NOMO1: variants seen among roughly 807,000 people sequenced by gnomAD.
The protein encoded by NOMO1 is nodal modulator 3.
NOMO1 carries 40 observed loss-of-function variants against 133.8 expected under a neutral mutation model. The ratio of observed to expected loss-of-function variants is 0.30; its 90% CI spans 0.23 to 0.39. The LOEUF is 0.39. NOMO1 is among the 10% of genes least tolerant of loss of function. The pLI, the probability that NOMO1 is intolerant of heterozygous loss-of-function variation, is 1.00. For missense variants in NOMO1, 462 were observed against 1,419.9 expected, an observed-to-expected ratio of 0.33 and a Z score of 10.84; for synonymous variants, 236 against 570.5, an observed-to-expected ratio of 0.41 and a Z score of 8.36.
chr16:14,869,680 G>A (rs1360433161), intron 16 of NOMO1, among the ~76,000 whole-genome samples: 3 of 150,644 alleles, frequency 2.0e-5, no homozygotes, highest in African/African-American at 4.9e-5. Flanking sequence ...CCAGTTTGAC[G>A]CTGTTATGAC....
chr16:14,860,082 T>G (rs1038447304), intron 11 of NOMO1, among the ~76,000 whole-genome samples: 1 of 151,620 alleles, frequency 6.6e-6, no homozygotes, highest in African/African-American at 2.4e-5. Flanking sequence ...GAGTTGTCTG[T>G]TGGTTGGCCG....
rs569008888 is a variant in NOMO1, at chr16:14,836,224, T to C, written c.166-2183T>C. Among the ~76,000 whole-genome samples, 1,285 of 152,036 alleles carry C rather than the reference T, an allele frequency of 8.5e-3. 15 individuals carry two copies. The highest frequency in any genetic ancestry group is 0.011 in the African/African-American group (467 of 41,370). On this transcript the variant is annotated intron_variant, in intron 1 of 30. Coordinates refer to ENST00000287667, the MANE Select transcript of NOMO1 (RefSeq NM_014287.4). Reference sequence around the variant, plus strand: ...TTCCAGTCCCTGCCTTAAATGCATGTATCTGAATCTCTTTGTCACCTGTAG... The same window carrying C: ...TTCCAGTCCCTGCCTTAAATGCATGCATCTGAATCTCTTTGTCACCTGTAG...
intron 4 of NOMO1, among the ~76,000 whole-genome samples, chr16:14,845,393 G>A (rs12598270): frequency 7.2e-5 from 11 of 152,034 alleles, no homozygotes; most frequent in East Asian, 3.9e-4. Context: ...TTGGAAGGAC[G>A]CACTCTCTAA....
Position 14,866,679 on chromosome 16 carries a change from C to T in NOMO1, c.1794C>T (p.His598=), listed in dbSNP as rs776165910. The T allele has an allele frequency of 1.7e-5, 27 of 1,609,994 alleles. 1 individual carries two copies. Among genetic ancestry groups the T allele is most frequent in the East Asian group, 4.5e-5 (2 of 44,572 alleles). ...ACATGCTGAGATGTTCCCTGTCTCA[C>T]GCCATCACTCTGGTATGTACGGCTT... is the stretch of plus-strand genomic sequence containing the variant. ...TGYMLRCSLS[H]AITLEFYQDG... Residue 598 remains histidine (H), a synonymous_variant, in exon 15 of 31, where the codon CAC becomes CAT. Transcript: ENST00000287667.
In NOMO1 at chr16:14,864,441, T is replaced by C. The variant is rs943008649; in HGVS notation, c.1396-144T>C. The C allele has an allele frequency of 3.4e-6, 5 of 1,459,442 alleles. No individual in the cohort carries two copies. In the African/African-American group the frequency reaches 5.8e-5, roughly 17 times the overall value. 90.4% of individuals were successfully genotyped at this position (1,459,442 alleles called of 1,614,324 possible). A position where few individuals can be genotyped will look rare whatever the true frequency, so the allele number is the denominator to read the frequency against. On this transcript the variant is annotated intron_variant, in intron 12 of 30. Transcript: ENST00000287667. ...ACACAAGTTATTCGTGGATTTGTTG[T>C]GATTGTAAAATCGGCCTGGAAACGA...
rs532869272 is a variant in NOMO1, at chr16:14,839,656, CT to C, written c.255+1161del. On this transcript the variant is annotated intron_variant, in intron 2 of 30. Coordinates refer to ENST00000287667, the MANE Select transcript of NOMO1 (RefSeq NM_014287.4). Reference sequence around the variant, plus strand: ...TTATTCTGCAGTTTCATTTTTTCCCCTGTGTTAATGCTTTCAATACCAGAGG... The same window carrying C: ...TTATTCTGCAGTTTCATTTTTTCCCCGTGTTAATGCTTTCAATACCAGAGG... 1.5e-4 allele frequency among the ~76,000 whole-genome samples: 22 copies of C among 150,884 alleles called. 1 individual carries two copies. The South Asian group carries it at 4.4e-3, about 30-fold the overall frequency.
At chr16:14,837,207 G>A (rs1963530266) in intron 1 of NOMO1, among the ~76,000 whole-genome samples, 3 of 151,638 alleles carry the variant, frequency 2.0e-5, no homozygotes, top group African/African-American at 7.3e-5. Context: ...TAGGGATGAG[G>A]TGTGGCTATG....
At chr16:14,859,932 C>T (rs1177987068) in intron 11 of NOMO1, among the ~76,000 whole-genome samples, 1 of 151,970 alleles carries the variant, frequency 6.6e-6, no homozygotes, top group East Asian at 1.9e-4. Context: ...GCAACATGCT[C>T]AGAGGCCTGC....
intron 11 of NOMO1, chr16:14,862,252 A>G: frequency 6.6e-6 from 1 of 152,170 alleles, no homozygotes; most frequent in Non-Finnish European, 1.5e-5. Flanking sequence ...GTACTATTAC[A>G]CTTTAACACA....
rs759013617 is a variant in NOMO1 at position 14,857,219 on chromosome 16, C to T, written c.966C>T (p.Pro322=). 5.1e-6 allele frequency: 8 copies of T among 1,559,864 alleles called. No individual in the cohort carries two copies. In the African/African-American group the frequency reaches 5.5e-5, roughly 11 times the overall value. ...TCTTCTTGTTCTTTGTTTTCTAGCC[C>T]GTGTTCCACGTCATGGGATTCTCCG... ...TVEHDSLKIE[P]VFHVMGFSVT... Residue 322 remains proline, a splice_region_variant and synonymous_variant, in exon 10 of 31, where the codon CCC becomes CCT. Coordinates refer to ENST00000287667, the MANE Select transcript of NOMO1 (RefSeq NM_014287.4).
intron 29 of NOMO1, among the ~76,000 whole-genome samples, chr16:14,892,936 C>T (rs1373886757): frequency 8.2e-6 from 1 of 121,588 alleles, no homozygotes; most frequent in African/African-American, 2.7e-5. Flanking sequence ...ACATTGGTTT[C>T]CTTCTTTGTT....
At position 14,864,716 on chromosome 16, in the gene NOMO1, C is replaced by G; in HGVS notation, c.1527C>G (p.Val509=). The G allele has an allele frequency of 5.0e-6, 8 of 1,613,538 alleles. No individual in the cohort carries two copies. Among genetic ancestry groups the G allele is most frequent in the Non-Finnish European group, 6.8e-6 (8 of 1,179,798 alleles). The change falls in exon 13 of 31, where the codon GTC becomes GTG. Residue 509 remains valine, a synonymous_variant. Transcript: ENST00000287667. ...TCTTGGCATCAGTTTCTGGGAAAGTCTCTTGTTTGGGTAAGATATCACTGG... is the reference window on the plus strand; with the variant it reads ...TCTTGGCATCAGTTTCTGGGAAAGTGTCTTGTTTGGGTAAGATATCACTGG... ...VQFLASVSGK[V]SCLDTCGDLL...
rs1228204827 is a variant in NOMO1 at position 14,876,439 on chromosome 16, G to A, written c.2437G>A (p.Gly813Arg). Reference protein sequence around the residue: ...LEGQIHPELEGVEIVISEKGA... With the variant: ...LEGQIHPELERVEIVISEKGA... ...AGGCCAGATCCACCCCGAGTTGGAA[G>A]GAGTCGAGATTGTCATCAGTGAAAA... The change falls in exon 21 of 31, where the codon GGA becomes AGA. Residue 813 changes from glycine (G) to arginine (R), a missense_variant. Physicochemically the swap from Gly to Arg is moderately radical, Grantham distance 125. Coordinates refer to ENST00000287667, the MANE Select transcript of NOMO1 (RefSeq NM_014287.4). The A allele has an allele frequency of 6.2e-7, 1 of 1,611,254 alleles. No individual in the cohort carries two copies. The highest frequency in any genetic ancestry group is 1.3e-5 in the African/African-American group (1 of 74,580).
chr16:14,850,091 A>T (rs1281593515), intron 6 of NOMO1, among the ~76,000 whole-genome samples: 1 of 146,896 alleles, frequency 6.8e-6, no homozygotes, highest in Non-Finnish European at 1.5e-5. Context: ...TTTTTTTGAG[A>T]TGAAGTCTTG....
At chr16:14,856,823 G>T (rs991435295) in intron 9 of NOMO1, among the ~76,000 whole-genome samples, 2 of 151,930 alleles carry the variant, frequency 1.3e-5, no homozygotes, top group Non-Finnish European at 2.9e-5. Flanking sequence ...GGAGGAGCGG[G>T]GCGGGGCATC....
chr16:14,834,696 T>C (rs1226252130), intron 1 of NOMO1, among the ~76,000 whole-genome samples: 2 of 147,134 alleles, frequency 1.4e-5, no homozygotes, highest in Non-Finnish European at 3.0e-5. Flanking sequence ...GGTTTTTTTT[T>C]TTTTTTTTTA....
chr16:14,856,979 A>G (rs1283690632), intron 9 of NOMO1, among the ~76,000 whole-genome samples: 1 of 152,012 alleles, frequency 6.6e-6, no homozygotes, highest in Non-Finnish European at 1.5e-5. Flanking sequence ...GAGGGAAGTA[A>G]GTCTCTAGAC....
At chr16:14,837,456 G>C (rs1314806049) in intron 1 of NOMO1, among the ~76,000 whole-genome samples, 1 of 152,118 alleles carries the variant, frequency 6.6e-6, no homozygotes, top group Non-Finnish European at 1.5e-5. Context: ...CGCAACACGT[G>C]GAAGACTCAG....
intron 18 of NOMO1, among the ~76,000 whole-genome samples, chr16:14,874,500 T>G (rs1964125848): frequency 6.6e-6 from 1 of 152,118 alleles, no homozygotes; most frequent in African/African-American, 2.4e-5. Context: ...CAGAAAGGCC[T>G]TGACTGTCCC....
Sources: gnomAD v4.1 joint callset for allele counts (sites outside exome capture counted in the v4.1 genomes callset) on GRCh38, gnomAD v4.1.1 for gene constraint, MANE v1.5 for transcripts, NCBI Gene and HGNC (gene_info 2026-07-23, HGNC 2026-07-21) for gene names.